Variants in ERC2 observed in about 807,000 individuals in gnomAD.
The protein encoded by ERC2 is ERC protein 2.
A neutral mutation model predicts 114.8 loss-of-function variants in ERC2; 42 were observed. That is an observed-to-expected ratio of 0.37 (90% confidence interval 0.29 to 0.47). ERC2 has a LOEUF of 0.47. Ranked by LOEUF, ERC2 falls within the 20% of genes least tolerant of loss-of-function variation. The probability of loss-of-function intolerance (pLI) is 0.99; values close to 1 mark genes in which losing one functional copy is unlikely to be tolerated. For missense variants in ERC2, 939 were observed against 1,150.7 expected (o/e 0.82, Z 2.66); for synonymous variants, 454 against 425.5 (o/e 1.07, Z -0.82).
At chr3:55,994,647 TA>T (rs10662566) in intron 10 of ERC2, among the ~76,000 whole-genome samples, 259 of 61,402 alleles carry the variant, frequency 4.2e-3, no homozygotes, top group African/African-American at 7.0e-3. Context: ...ACATACTCCC[TA>T]AAAAAAAAAA....
At chr3:56,323,310 T>C (rs1451919154) in intron 2 of ERC2, among the ~76,000 whole-genome samples, 3 of 152,070 alleles carry the variant, frequency 2.0e-5, no homozygotes, top group Non-Finnish European at 4.4e-5. Context: ...ATAGAGGAAA[T>C]AATGCTTGGA....
At chr3:56,422,208 A>T (rs149748234) in intron 2 of ERC2, among the ~76,000 whole-genome samples, 4 of 152,330 alleles carry the variant, frequency 2.6e-5, no homozygotes, top group Admixed American at 1.3e-4. Flanking sequence ...ATTCTAAATG[A>T]TTAATGAGAC....
chr3:55,615,397 G>C (rs771829501), intron 17 of ERC2, among the ~76,000 whole-genome samples: 9 of 152,164 alleles, frequency 5.9e-5, no homozygotes, highest in Non-Finnish European at 1.3e-4. Flanking sequence ...ATATTTGATA[G>C]AGAAACTCCA....
intron 7 of ERC2, among the ~76,000 whole-genome samples, chr3:56,076,979 A>G (rs1403340927): frequency 6.6e-6 from 1 of 152,166 alleles, no homozygotes; most frequent in Non-Finnish European, 1.5e-5. Flanking sequence ...GTCTATGAGA[A>G]AGAAATATTA....
intron 17 of ERC2, among the ~76,000 whole-genome samples, chr3:55,584,449 C>T (rs1281168548): frequency 1.3e-5 from 2 of 152,110 alleles, no homozygotes; most frequent in Non-Finnish European, 1.5e-5. Context: ...CAGTTCCTTC[C>T]TCTACCCTTG....
At chr3:55,778,079 AT>A (rs1367749690) in intron 14 of ERC2, among the ~76,000 whole-genome samples, 2 of 152,212 alleles carry the variant, frequency 1.3e-5, no homozygotes, top group African/African-American at 2.4e-5. Flanking sequence ...CATGAAAAAA[AT>A]ATATTTAAAA....
chr3:55,721,772 A>T (rs1390036248), intron 15 of ERC2, among the ~76,000 whole-genome samples: 1 of 151,948 alleles, frequency 6.6e-6, no homozygotes, highest in Non-Finnish European at 1.5e-5. Context: ...CGAGCATTAG[A>T]CCCCCAAACC....
In ERC2 at chr3:56,200,976, C is replaced by A. The variant is rs115846455; in HGVS notation, c.1075-27456G>T. Among the ~76,000 whole-genome samples the A allele has an allele frequency of 3.2e-3, 490 of 152,334 alleles. 4 individuals are homozygous for A. Among genetic ancestry groups the A allele is most frequent in the African/African-American group, 0.011 (441 of 41,576 alleles). On this transcript the variant is annotated intron_variant, in intron 3 of 17. Transcript: ENST00000288221. ...TAAGCTACCATTTAATGGGCAATTA[C>A]TATGTGCCAGGCACTGTGCTAAGTA...
chr3:56,361,460 A>C (rs1034459984), intron 2 of ERC2, among the ~76,000 whole-genome samples: 1 of 152,226 alleles, frequency 6.6e-6, no homozygotes, highest in Non-Finnish European at 1.5e-5. Context: ...AAAGCGAGAG[A>C]AAATTTCAAA....
chr3:56,439,387 A>C (rs922801535), intron 1 of ERC2, among the ~76,000 whole-genome samples: 1 of 152,234 alleles, frequency 6.6e-6, no homozygotes, highest in Non-Finnish European at 1.5e-5. Context: ...TCGAGGCTAC[A>C]GTGAGCTATA....
At chr3:55,551,220 G>A (rs1319807216) in intron 17 of ERC2, among the ~76,000 whole-genome samples, 1 of 151,524 alleles carries the variant, frequency 6.6e-6, no homozygotes. Flanking sequence ...GAGGGAGAGA[G>A]ATTTATCTCA....
At chr3:55,734,686 G>A (rs1240392979) in intron 15 of ERC2, 85 bp downstream of exon 15, 28 of 1,508,734 alleles carry the variant, frequency 1.9e-5, no homozygotes, top group Non-Finnish European at 1.8e-6. Flanking sequence ...GATGGACATG[G>A]GAAAATGAAG....
intron 2 of ERC2, among the ~76,000 whole-genome samples, chr3:56,319,040 G>A (rs967733609): frequency 3.4e-4 from 51 of 150,930 alleles, no homozygotes; most frequent in African/African-American, 1.2e-3. Flanking sequence ...CTGTTGGTGA[G>A]AATGCAAAAT....
At chr3:56,425,093 G>A (rs111267545) in intron 2 of ERC2, among the ~76,000 whole-genome samples, 2,744 of 152,184 alleles carry the variant, frequency 0.018, 36 homozygotes, top group South Asian at 0.039. Flanking sequence ...TGGAGCATCT[G>A]GTCGCCCTTC....
chr3:55,632,106 T>C (rs567266072), intron 17 of ERC2, among the ~76,000 whole-genome samples: 2 of 152,234 alleles, frequency 1.3e-5, no homozygotes, highest in Non-Finnish European at 2.9e-5. Flanking sequence ...AGTTACTCTC[T>C]GAATGAACTC....
At chr3:55,784,160 G>C (rs548968969) in intron 14 of ERC2, among the ~76,000 whole-genome samples, 1 of 151,916 alleles carries the variant, frequency 6.6e-6, no homozygotes, top group Admixed American at 6.5e-5. Flanking sequence ...TTTGTCTTTT[G>C]TTTTGTTTTT....
intron 14 of ERC2, among the ~76,000 whole-genome samples, chr3:55,795,957 A>T (rs113117268): frequency 0.012 from 1,774 of 152,300 alleles, 43 homozygotes; most frequent in African/African-American, 0.04. Flanking sequence ...TGGAGCTCTC[A>T]TTATAGTTGA....
At chr3:55,864,261 G>C (rs1187123139) in intron 14 of ERC2, among the ~76,000 whole-genome samples, 1 of 148,242 alleles carries the variant, frequency 6.7e-6, no homozygotes, top group African/African-American at 2.5e-5. Flanking sequence ...ATATATATGT[G>C]TGTGTGTATG....
intron 2 of ERC2, among the ~76,000 whole-genome samples, chr3:56,425,542 T>TCCACC: frequency 1.4e-5 from 2 of 141,152 alleles, no homozygotes; most frequent in South Asian, 4.7e-4. Flanking sequence ...ACTAACCAAC[T>TCCACC]CCACCCCGAC....
Sources: allele counts gnomAD v4.1 joint callset (sites outside exome capture counted in the v4.1 genomes callset), GRCh38; gene constraint gnomAD v4.1.1; transcripts MANE v1.5; gene names NCBI Gene and HGNC (gene_info 2026-07-23, HGNC 2026-07-21).